The following SH2D1B variants were observed in gnomAD, a reference collection of about 807,000 sequenced individuals.
The protein encoded by SH2D1B is SH2 domain-containing protein 1B.
Under a neutral mutation model 16.3 loss-of-function variants are expected in SH2D1B, and 11 were observed. The observed-to-expected ratio is 0.67, with a 90% CI of 0.42 to 1.11. The LOEUF (loss-of-function observed/expected upper bound fraction) is 1.11, where lower values mean the gene tolerates loss of function less well. SH2D1B is among the 50% of genes most tolerant of loss of function. SH2D1B has a pLI of 0.00. For missense variants in SH2D1B, 123 were observed against 153.1 expected, an observed-to-expected ratio of 0.80 and a Z score of 1.04; for synonymous variants, 55 against 56.1, an observed-to-expected ratio of 0.98 and a Z score of 0.09.
chr1:162,410,213 A>C (rs1648760564), intron 1 of SH2D1B, among the ~76,000 whole-genome samples: 1 of 152,158 alleles, frequency 6.6e-6, no homozygotes, highest in Admixed American at 6.5e-5. Context: ...CAATTCTGTT[A>C]GGCTGGTTTA....
intron 3 of SH2D1B, among the ~76,000 whole-genome samples, chr1:162,398,707 G>A (rs1214171104): frequency 6.6e-6 from 1 of 152,172 alleles, no homozygotes; most frequent in East Asian, 1.9e-4. Context: ...AACCACTCTT[G>A]CTATCCTGGC....
intron 1 of SH2D1B, among the ~76,000 whole-genome samples, chr1:162,408,936 C>G (rs1648722279): frequency 6.6e-6 from 1 of 151,860 alleles, no homozygotes; most frequent in African/African-American, 2.4e-5. Context: ...AGCGAGACCC[C>G]ATGTCTACAA....
chr1:162,401,819 A>ATTCT (rs1648524103), intron 2 of SH2D1B, among the ~76,000 whole-genome samples: 1 of 152,206 alleles, frequency 6.6e-6, no homozygotes, highest in African/African-American at 2.4e-5. Flanking sequence ...TATACTGAAG[A>ATTCT]TTCTTAGAAA....
chr1:162,400,006 A>G (rs1208084398), intron 2 of SH2D1B, among the ~76,000 whole-genome samples: 1 of 152,212 alleles, frequency 6.6e-6, no homozygotes, highest in Non-Finnish European at 1.5e-5. Context: ...AATTTGGAGA[A>G]CAGTTAGGCT....
chr1:162,403,509 AAAATATATATATATATATAT>A (rs1280929593), intron 1 of SH2D1B, among the ~76,000 whole-genome samples: 3 of 17,160 alleles, frequency 1.7e-4, no homozygotes, highest in Non-Finnish European at 2.7e-4. Flanking sequence ...AAAAAAAAAA[AAAATATATATATATATATAT>A]ATATATATAT....
chr1:162,400,286 C>CTTTTTTTTTTTTTTTTTTTTTT lies in SH2D1B; in HGVS notation c.199-1221_199-1200dup, dbSNP rs1241054289. 3.6e-5 allele frequency among the ~76,000 whole-genome samples: 3 copies of CTTTTTTTTTTTTTTTTTTTTTT among 83,284 alleles called. No homozygotes were observed. In the Admixed American group the frequency reaches 5.3e-4, roughly 15 times the overall value. The allele number at this position is 83,284 out of a possible 152,430, so 54.6% of individuals were successfully genotyped here. On this transcript the variant is annotated intron_variant, in intron 2 of 3. Transcript: ENST00000367929. ...CTGTTTACCAGCTATACACCACGTACTTTTTTTTTTTTTTTTTTTTTTTGA... is the reference window on the plus strand; with the variant it reads ...CTGTTTACCAGCTATACACCACGTACTTTTTTTTTTTTTTTTTTTTTTTTTTTTTTTTTTTTTTTTTTTTTGA...
At position 162,411,917 on chromosome 1, in the gene SH2D1B, CG is replaced by C; in HGVS notation, c.99del (p.Ser33ArgfsTer47). On this transcript the variant is annotated frameshift_variant, in exon 1 of 4. Coordinates refer to ENST00000367929, the MANE Select transcript of SH2D1B (RefSeq NM_053282.5). LOFTEE classifies it high-confidence loss of function. ...AGGCACAGGACTCCTGGTATCGACT[CG>C]CTGTCTCTTAAAAGAAAGTTGCCAT... ...GVDGNFLLRD[S>X]ESIPGVLCLC... is the part of the protein sequence containing the mutation. The C allele has an allele frequency of 1.9e-6, 3 of 1,614,160 alleles. No individual in the cohort carries two copies. The highest frequency in any genetic ancestry group is 1.7e-4 in the Middle Eastern group (1 of 6,032).
chr1:162,399,931 A>C (rs901574829), intron 2 of SH2D1B, among the ~76,000 whole-genome samples: 8 of 152,098 alleles, frequency 5.3e-5, no homozygotes, highest in African/African-American at 1.9e-4. Context: ...CTCCATCTCA[A>C]GCTGGGGCTG....
At chr1:162,398,725 G>A (rs1033108387) in intron 3 of SH2D1B, among the ~76,000 whole-genome samples, 198 bp downstream of exon 3, 2 of 152,164 alleles carry the variant, frequency 1.3e-5, no homozygotes, top group African/African-American at 4.8e-5. Flanking sequence ...GGCTGCAAAC[G>A]CAGCAAGCTC....
intron 1 of SH2D1B, among the ~76,000 whole-genome samples, chr1:162,408,401 CTTTT>C (rs1423246294): frequency 7.0e-6 from 1 of 143,824 alleles, no homozygotes; most frequent in Non-Finnish European, 1.5e-5. Flanking sequence ...TTTAGCTTCT[CTTTT>C]TTTCTCTTCT....
At chr1:162,400,754 C>G (rs1383067259) in intron 2 of SH2D1B, among the ~76,000 whole-genome samples, 1 of 151,952 alleles carries the variant, frequency 6.6e-6, no homozygotes, top group Non-Finnish European at 1.5e-5. Flanking sequence ...TTGAGACCAG[C>G]CTGGTCAACA....
At chr1:162,398,430 C>T (rs1648430256) in intron 3 of SH2D1B, among the ~76,000 whole-genome samples, 1 of 152,200 alleles carries the variant, frequency 6.6e-6, no homozygotes, top group Non-Finnish European at 1.5e-5. Context: ...CAGGGATTCT[C>T]TGCACTCAGA....
rs1012915927 is a variant in SH2D1B, at chr1:162,399,005, A to C, written c.281T>G (p.Val94Gly). The C allele has an allele frequency of 2.5e-6, 4 of 1,614,030 alleles. No homozygotes were observed. The African/African-American group carries it at 5.3e-5, about 22-fold the overall frequency. ...CTTTATTGGCTTTAAAAGGTGAACCACCATCCCCTGATTTGGTTTTTCAAA... is the reference window on the plus strand; with the variant it reads ...CTTTATTGGCTTTAAAAGGTGAACCCCCATCCCCTGATTTGGTTTTTCAAA... The part of the protein sequence containing the change: ...SKFEKPNQGM[V>G]VHLLKPIKRT... The change falls in exon 3 of 4, where the codon GTG becomes GGG. Residue 94 changes from valine (V) to glycine (G), a missense_variant. By Grantham distance (109) the Val-to-Gly change is moderately radical. Coordinates refer to ENST00000367929, the MANE Select transcript of SH2D1B (RefSeq NM_053282.5).
chr1:162,400,275 T>C (rs1043937730), intron 2 of SH2D1B, among the ~76,000 whole-genome samples: 5 of 148,176 alleles, frequency 3.4e-5, no homozygotes, highest in Admixed American at 2.0e-4. Context: ...TTACCAGCTA[T>C]ACACCACGTA....
At chr1:162,401,332 A>AG (rs1648514104) in intron 2 of SH2D1B, among the ~76,000 whole-genome samples, 1 of 152,024 alleles carries the variant, frequency 6.6e-6, no homozygotes, top group South Asian at 2.1e-4. Flanking sequence ...CAGAAAAAAA[A>AG]GTCTTAAAAT....
chr1:162,407,380 GTGAT>G (rs987058820), intron 1 of SH2D1B, among the ~76,000 whole-genome samples: 3 of 152,120 alleles, frequency 2.0e-5, no homozygotes, highest in Non-Finnish European at 4.4e-5. Context: ...CAGATCCAAG[GTGAT>G]TACCTGAAAC....
chr1:162,398,851 G>A (rs1280624952), intron 3 of SH2D1B, 72 bp downstream of exon 3: 1 of 1,484,628 alleles, frequency 6.7e-7, no homozygotes, highest in East Asian at 2.3e-5. Context: ...TGTCTGTATT[G>A]AGTTTACAAA....
At chr1:162,398,779 A>G in intron 3 of SH2D1B, 144 bp downstream of exon 3, 1 of 985,176 alleles carries the variant, frequency 1.0e-6, no homozygotes. Context: ...CTTCTCAACA[A>G]AATGGAAATT....
intron 2 of SH2D1B, among the ~76,000 whole-genome samples, chr1:162,401,105 G>A (rs1648507046): frequency 6.6e-6 from 1 of 152,200 alleles, no homozygotes; most frequent in African/African-American, 2.4e-5. Context: ...TGTATTAGAG[G>A]TACAGGCTGA....
Sources: allele counts gnomAD v4.1 joint callset (sites outside exome capture counted in the v4.1 genomes callset), GRCh38; gene constraint gnomAD v4.1.1; transcripts MANE v1.5; gene names NCBI Gene and HGNC (gene_info 2026-07-23, HGNC 2026-07-21).